IQCE: variants seen among roughly 807,000 people sequenced by gnomAD.
The protein encoded by IQCE is IQ domain-containing protein E.
A neutral mutation model predicts 96.0 loss-of-function variants in IQCE; 115 were observed. That is an observed-to-expected ratio of 1.20 (90% CI 1.03 to 1.40). The LOEUF (loss-of-function observed/expected upper bound fraction) is 1.40, where lower values mean the gene tolerates loss of function less well. IQCE is among the 40% of genes most tolerant of loss of function. The pLI, the probability that IQCE is intolerant of heterozygous loss-of-function variation, is 0.00. For synonymous variants in IQCE, 412 were observed against 371.2 expected (o/e 1.11, Z -1.26); for missense variants, 1,041 against 909.1 (o/e 1.15, Z -1.87).
At chr7:2,604,274 G>A (rs12111777) in intron 18 of IQCE, among the ~76,000 whole-genome samples, 2,656 of 152,118 alleles carry the variant, frequency 0.017, 40 homozygotes, top group Non-Finnish European at 0.028. Flanking sequence ...GGTGTGTGCC[G>A]TGCCCAGCTA....
chr7:2,576,700 C>A (rs1290061891), intron 6 of IQCE, among the ~76,000 whole-genome samples: 1 of 152,068 alleles, frequency 6.6e-6, no homozygotes, highest in Admixed American at 6.6e-5. Context: ...TGCCCGGCCC[C>A]GACTACACAG....
chr7:2,578,223 T>C lies in IQCE; in HGVS notation c.466-19T>C. Reference sequence around the variant, plus strand: ...GCAGCTTCGTGTGGATGGCTGTGCATGGCCCTTGTTTTCTTCAGTCATTGC... The same window carrying C: ...GCAGCTTCGTGTGGATGGCTGTGCACGGCCCTTGTTTTCTTCAGTCATTGC... On this transcript the variant is annotated intron_variant, in intron 6 of 21. Coordinates refer to ENST00000402050, the MANE Select transcript of IQCE (RefSeq NM_152558.5). 6.3e-7 allele frequency: 1 copy of C among 1,585,032 alleles called. No homozygotes were observed. The highest frequency in any genetic ancestry group is 8.7e-7 in the Non-Finnish European group (1 of 1,154,916).
intron 6 of IQCE, among the ~76,000 whole-genome samples, chr7:2,575,705 T>C (rs1782072950): frequency 6.6e-6 from 1 of 152,174 alleles, no homozygotes; most frequent in Admixed American, 6.5e-5. Flanking sequence ...CTCCCTGACC[T>C]CTGGCTGGAG....
chr7:2,586,373 T>C lies in IQCE; in HGVS notation c.988+2T>C. The C allele has an allele frequency of 6.2e-7, 1 of 1,609,104 alleles. No individual in the cohort carries two copies. Among genetic ancestry groups the C allele is most frequent in the Non-Finnish European group, 8.5e-7 (1 of 1,178,780 alleles). On this transcript the variant is annotated splice_donor_variant, in intron 12 of 21. Transcript: ENST00000402050. LOFTEE classifies it high-confidence loss of function. The stretch of plus-strand genomic sequence containing the variant: ...CCCCAACCATCTCCAAGACACAGGG[T>C]ACCTTCCTGAAAGCCACTCCAGGAG...
Position 2,611,148 on chromosome 7 carries a change from C to CCGGGCCGGGCCGG in IQCE, c.*986_*987insCGGGCCGGGCCGG, listed in dbSNP as rs1386406082. 1.3e-5 allele frequency: 2 copies of CCGGGCCGGGCCGG among 152,342 alleles called. No homozygotes were observed. The highest frequency in any genetic ancestry group is 4.9e-5 in the African/African-American group (2 of 41,140). The allele number at this position is 152,342 out of a possible 1,614,324, so 9.4% of individuals were successfully genotyped here. Reference sequence around the variant, plus strand: ...CTGGGCTGGGCTGGGCTGGGCCGGGCGTGCGGAGCCTGTGGAGCCAGCAGC... The same window carrying CCGGGCCGGGCCGG: ...CTGGGCTGGGCTGGGCTGGGCCGGGCCGGGCCGGGCCGGGTGCGGAGCCTGTGGAGCCAGCAGC... On this transcript the variant is annotated 3_prime_UTR_variant, in exon 22 of 22. Transcript: ENST00000402050.
At chr7:2,582,133 C>T (rs949602484) in intron 8 of IQCE, 7 of 458,308 alleles carry the variant, frequency 1.5e-5, no homozygotes, top group African/African-American at 6.1e-5. Flanking sequence ...AGTGGCTCCT[C>T]AGGCCCCTAC....
chr7:2,610,278 A>G lies in IQCE; in HGVS notation c.*116A>G. ...AACGATGATACCTACTTAACACCTC[A>G]GCATCTGCGTCGTGTCTCTTTGTGC... On this transcript the variant is annotated 3_prime_UTR_variant, in exon 22 of 22. Coordinates refer to ENST00000402050, the MANE Select transcript of IQCE (RefSeq NM_152558.5). 1 of 709,804 alleles carries G rather than the reference A, an allele frequency of 1.4e-6. No homozygotes were observed. Among genetic ancestry groups the G allele is most frequent in the Non-Finnish European group, 2.6e-6 (1 of 389,578 alleles). The allele number at this position is 709,804 out of a possible 1,614,324, so 44.0% of individuals were successfully genotyped here.
Position 2,586,330 on chromosome 7 carries a change from A to C in IQCE, c.947A>C (p.Asp316Ala). Residue 316 changes from aspartate to alanine, a missense_variant, in exon 12 of 22, where the codon GAC (aspartate) becomes GCC (alanine). Transcript: ENST00000402050. ...AACCAGAGCCTGAAGGAGGACCTGGACCGCGTGCTGAGCACCTCCCCAACC... is the reference window on the plus strand; with the variant it reads ...AACCAGAGCCTGAAGGAGGACCTGGCCCGCGTGCTGAGCACCTCCCCAACC... Reference protein sequence around the residue: ...EENQSLKEDLDRVLSTSPTIS... With the variant: ...EENQSLKEDLARVLSTSPTIS... 1 of 1,613,754 alleles carries C rather than the reference A, an allele frequency of 6.2e-7. No homozygotes were observed. Among genetic ancestry groups the C allele is most frequent in the Non-Finnish European group, 8.5e-7 (1 of 1,179,920 alleles).
chr7:2,603,376 G>A (rs1441617036), intron 18 of IQCE, among the ~76,000 whole-genome samples: 1 of 152,218 alleles, frequency 6.6e-6, no homozygotes, highest in African/African-American at 2.4e-5. Context: ...TGGCATGTGG[G>A]AGGCATGGGG....
intron 5 of IQCE, chr7:2,572,583 A>T (rs1781837423): frequency 1.6e-6 from 1 of 620,958 alleles, no homozygotes; most frequent in Non-Finnish European, 2.9e-6. Context: ...CTCCCTAAAC[A>T]TAGAGGCGTA....
At position 2,603,888 on chromosome 7, in the gene IQCE, CATCT is replaced by C. The variant is rs1407609979; in HGVS notation, c.1633-989_1633-986del. Among the ~76,000 whole-genome samples, 3 of 152,056 alleles carry C rather than the reference CATCT, an allele frequency of 2.0e-5. No homozygotes were observed. In the East Asian group the frequency reaches 5.8e-4, roughly 29 times the overall value. On this transcript the variant is annotated intron_variant, in intron 18 of 21. Transcript: ENST00000402050. The stretch of plus-strand genomic sequence containing the variant: ...TCTTCTAACGAGTTTGAGAGATGCC[CATCT>C]ATCAGGCTGGGAGGGTTCACAGGGC...
intron 3 of IQCE, among the ~76,000 whole-genome samples, chr7:2,569,505 A>G (rs956201681): frequency 6.6e-6 from 1 of 152,066 alleles, no homozygotes; most frequent in African/African-American, 2.4e-5. Context: ...CCTCAGCAGG[A>G]GGAGGGCAGC....
intron 21 of IQCE, 37 bp from the exon 22 acceptor site, chr7:2,610,007 C>G: frequency 8.4e-7 from 1 of 1,189,864 alleles, no homozygotes; most frequent in Non-Finnish European, 1.3e-6. Context: ...CTGAGGTCAG[C>G]GTGGCTGACC....
intron 16 of IQCE, among the ~76,000 whole-genome samples, 168 bp downstream of exon 16, chr7:2,595,144 C>T (rs543438185): frequency 6.6e-5 from 10 of 152,258 alleles, no homozygotes; most frequent in African/African-American, 1.9e-4. Context: ...TATCGAAGTC[C>T]GGGTTTTGGA....
At chr7:2,592,132 C>A (rs893029739) in intron 14 of IQCE, among the ~76,000 whole-genome samples, 3 of 152,212 alleles carry the variant, frequency 2.0e-5, no homozygotes, top group African/African-American at 7.2e-5. Flanking sequence ...AAAACTTGGC[C>A]GGTGCCTCCC....
In IQCE at chr7:2,586,218, G is replaced by A. The variant is rs770196675; in HGVS notation, c.835G>A (p.Glu279Lys). The A allele has an allele frequency of 1.2e-6, 2 of 1,613,714 alleles. No homozygotes were observed. Among genetic ancestry groups the A allele is most frequent in the Admixed American group, 1.7e-5 (1 of 59,956 alleles). Residue 279 changes from glutamate to lysine, a missense_variant, in exon 12 of 22, where the codon GAG becomes AAG. Transcript: ENST00000402050. ...SETTGKKPLG[E>K]KKTGAKRQKK... Reference sequence around the variant, plus strand: ...ATTTGGTTGTTCCAGGCCCCTGGGGGAGAAGAAGACGGGCGCCAAAAGGCA... The same window carrying A: ...ATTTGGTTGTTCCAGGCCCCTGGGGAAGAAGAAGACGGGCGCCAAAAGGCA...
intron 1 of IQCE, among the ~76,000 whole-genome samples, chr7:2,565,881 G>A (rs1457177089): frequency 3.3e-5 from 5 of 152,062 alleles, no homozygotes; most frequent in Non-Finnish European, 7.4e-5. Flanking sequence ...TTTGCCCCTC[G>A]AAATGCAGTC....
In IQCE at chr7:2,613,074, T is replaced by A. The variant is rs934413080; in HGVS notation, c.*2912T>A. 6.6e-6 allele frequency: 1 copy of A among 152,280 alleles called. No homozygotes were observed. Among genetic ancestry groups the A allele is most frequent in the Non-Finnish European group, 1.5e-5 (1 of 68,074 alleles). 9.4% of individuals were successfully genotyped at this position (152,280 alleles called of 1,614,324 possible). A position where few individuals can be genotyped will look rare whatever the true frequency, so the allele number is the denominator to read the frequency against. ...TCAAGAACAGCAGCAAAGCTGTATC[T>A]GCTATCAGAGGCTGTTAGGTAGTCC... On this transcript the variant is annotated 3_prime_UTR_variant, in exon 22 of 22. Transcript: ENST00000402050.
chr7:2,565,131 TGA>T (rs1361819327), intron 1 of IQCE, among the ~76,000 whole-genome samples: 4 of 114,098 alleles, frequency 3.5e-5, no homozygotes, highest in East Asian at 2.4e-4. Flanking sequence ...TGCATGTGTG[TGA>T]GTGTGTGTGT....
Sources: allele counts gnomAD v4.1 joint callset (sites outside exome capture counted in the v4.1 genomes callset), GRCh38; gene constraint gnomAD v4.1.1; transcripts MANE v1.5; gene names NCBI Gene and HGNC (gene_info 2026-07-23, HGNC 2026-07-21).